Variants in MNAT1 observed in about 807,000 individuals in gnomAD.
The protein encoded by MNAT1 is CDK-activating kinase assembly factor MAT1.
Under a neutral mutation model 42.0 loss-of-function variants are expected in MNAT1, and 43 were observed. That is an observed-to-expected ratio of 1.02 (90% CI 0.80 to 1.32). The LOEUF is 1.32. Among genes scored for constraint, MNAT1 ranks in the 40% most tolerant of loss-of-function variants. The pLI is 0.00. For missense variants in MNAT1, 306 were observed against 350.4 expected (o/e 0.87, Z 1.01); for synonymous variants, 118 against 120.0 (o/e 0.98, Z 0.11).
At chr14:60,761,965 A>C (rs188808840) in intron 1 of MNAT1, among the ~76,000 whole-genome samples, 1 of 152,240 alleles carries the variant, frequency 6.6e-6, no homozygotes, top group African/African-American at 2.4e-5. Flanking sequence ...AGTGGGATCA[A>C]ACTATCTAGA....
intron 1 of MNAT1, chr14:60,780,193 A>G (rs2031407503): frequency 4.0e-6 from 6 of 1,499,040 alleles, no homozygotes; most frequent in South Asian, 2.3e-5. Context: ...TGGAACAACT[A>G]AAAGATTGGT....
At chr14:60,763,025 A>G (rs2030673997) in intron 1 of MNAT1, among the ~76,000 whole-genome samples, 3 of 152,182 alleles carry the variant, frequency 2.0e-5, no homozygotes. Context: ...TCTTAATTTT[A>G]ATAGATAAAA....
chr14:60,833,441 G>GT (rs1185359107), intron 6 of MNAT1, among the ~76,000 whole-genome samples: 3 of 152,134 alleles, frequency 2.0e-5, no homozygotes, highest in East Asian at 3.9e-4. Flanking sequence ...AAAATCATGT[G>GT]TTTTTTGTCA....
Position 60,968,389 on chromosome 14 carries a change from C to T in MNAT1, c.*40C>T, listed in dbSNP as rs756420277. 6.3e-7 allele frequency: 1 copy of T among 1,593,060 alleles called. No homozygotes were observed. Among genetic ancestry groups the T allele is most frequent in the East Asian group, 2.2e-5 (1 of 44,628 alleles). On this transcript the variant is annotated 3_prime_UTR_variant, in exon 8 of 8. Coordinates refer to ENST00000261245, the MANE Select transcript of MNAT1 (RefSeq NM_002431.4). ...TGGACCTTGGAGCTGAACCAGGGAG[C>T]TAGCAAAAGTAAAGCAGACTTATAA...
chr14:60,863,304 A>T (rs1249519647), intron 6 of MNAT1, among the ~76,000 whole-genome samples: 1 of 152,078 alleles, frequency 6.6e-6, no homozygotes, highest in Non-Finnish European at 1.5e-5. Flanking sequence ...CTAGAGCTGT[A>T]CTTCATGACT....
At chr14:60,928,865 G>A (rs2035819698) in intron 7 of MNAT1, among the ~76,000 whole-genome samples, 1 of 151,046 alleles carries the variant, frequency 6.6e-6, no homozygotes, top group Non-Finnish European at 1.5e-5. Flanking sequence ...TCTGTGGCTG[G>A]GCACAGTGGC....
intron 6 of MNAT1, among the ~76,000 whole-genome samples, chr14:60,821,737 C>T (rs1344929920): frequency 6.6e-6 from 1 of 152,064 alleles, no homozygotes; most frequent in Non-Finnish European, 1.5e-5. Flanking sequence ...GGCTATTTTC[C>T]ATGCCGGTCT....
chr14:60,965,322 T>C (rs1426675220), intron 7 of MNAT1, among the ~76,000 whole-genome samples: 2 of 152,234 alleles, frequency 1.3e-5, no homozygotes, highest in African/African-American at 4.8e-5. Context: ...GATAAAACTT[T>C]TTTTACACAT....
intron 1 of MNAT1, among the ~76,000 whole-genome samples, chr14:60,754,860 G>A (rs1193575013): frequency 6.6e-6 from 1 of 152,072 alleles, no homozygotes; most frequent in East Asian, 1.9e-4. Flanking sequence ...CATTGACTAA[G>A]GTCTGGATTA....
intron 1 of MNAT1, among the ~76,000 whole-genome samples, chr14:60,761,397 A>G (rs533993343): frequency 9.2e-4 from 140 of 152,326 alleles, no homozygotes; most frequent in African/African-American, 3.3e-3. Context: ...GAACTCTTTG[A>G]ACAGTGTTCT....
chr14:60,861,760 G>GT (rs2034101353), intron 6 of MNAT1, among the ~76,000 whole-genome samples: 1 of 152,088 alleles, frequency 6.6e-6, no homozygotes, highest in Non-Finnish European at 1.5e-5. Context: ...GGTTGTATTT[G>GT]TTTTTTTGCT....
chr14:60,799,315 G>A, intron 3 of MNAT1: 4 of 985,228 alleles, frequency 4.1e-6, no homozygotes, highest in Non-Finnish European at 4.8e-6. Context: ...GGAGTGACAA[G>A]GCAAAGTGGA....
chr14:60,917,080 A>G (rs2035536083), intron 7 of MNAT1, among the ~76,000 whole-genome samples: 1 of 152,250 alleles, frequency 6.6e-6, no homozygotes, highest in African/African-American at 2.4e-5. Context: ...TAATTATGGT[A>G]AGAAAAGTTT....
At chr14:60,880,337 A>G (rs192045867) in intron 7 of MNAT1, among the ~76,000 whole-genome samples, 1 of 152,290 alleles carries the variant, frequency 6.6e-6, no homozygotes, top group Admixed American at 6.5e-5. Context: ...CATTCTGGAA[A>G]TGAACCTGGG....
chr14:60,949,259 A>G (rs1164454167), intron 7 of MNAT1, among the ~76,000 whole-genome samples: 1 of 152,130 alleles, frequency 6.6e-6, no homozygotes, highest in Non-Finnish European at 1.5e-5. Context: ...GGTTCTCTCC[A>G]AAGCATGTTC....
chr14:60,928,076 T>A (rs768463591), intron 7 of MNAT1, among the ~76,000 whole-genome samples: 1 of 152,194 alleles, frequency 6.6e-6, no homozygotes, highest in Non-Finnish European at 1.5e-5. Flanking sequence ...CTCTTTTTTG[T>A]CTCCACAGAC....
chr14:60,951,364 A>G (rs1308317743), intron 7 of MNAT1, among the ~76,000 whole-genome samples: 2 of 134,470 alleles, frequency 1.5e-5, no homozygotes, highest in Non-Finnish European at 3.1e-5. Flanking sequence ...TGCTTTTCCC[A>G]TTGGAGTTTA....
intron 1 of MNAT1, 77 bp downstream of exon 1, chr14:60,735,028 C>T (rs1896264699): frequency 2.2e-6 from 3 of 1,380,916 alleles, no homozygotes; most frequent in Middle Eastern, 1.8e-4. Context: ...TGCTAGGCCT[C>T]GTCTTGGGAG....
intron 1 of MNAT1, among the ~76,000 whole-genome samples, chr14:60,763,720 C>A (rs1004768777): frequency 1.8e-4 from 27 of 152,112 alleles, no homozygotes; most frequent in Admixed American, 7.2e-4. Flanking sequence ...CTATCATTAT[C>A]TTTAATTTGG....
Sources: allele counts gnomAD v4.1 joint callset (sites outside exome capture counted in the v4.1 genomes callset), GRCh38; gene constraint gnomAD v4.1.1; transcripts MANE v1.5; gene names NCBI Gene and HGNC (gene_info 2026-07-23, HGNC 2026-07-21).